Variants in BRAT1 observed in about 807,000 individuals in gnomAD.
The protein encoded by BRAT1 is integrator complex assembly factor BRAT1.
In BRAT1, 74 loss-of-function variants were observed where a neutral mutation model predicts 70.6. That is an observed-to-expected ratio of 1.05 (90% CI 0.87 to 1.27). BRAT1 has a LOEUF of 1.27. BRAT1 is among the 50% of genes most tolerant of loss of function. The probability of loss-of-function intolerance (pLI) is 0.00; values close to 1 mark genes in which losing one functional copy is unlikely to be tolerated. For synonymous variants in BRAT1, 615 were observed against 517.1 expected (o/e 1.19, Z -2.57); for missense variants, 1,203 against 1,098.2 (o/e 1.10, Z -1.35).
intron 2 of BRAT1, among the ~76,000 whole-genome samples, chr7:2,551,341 G>A (rs1393255188): frequency 6.6e-6 from 1 of 150,464 alleles, no homozygotes; most frequent in Admixed American, 6.6e-5. Context: ...TTAAATGGGA[G>A]AATGGCATGG....
intron 8 of BRAT1, 78 bp from the exon 9 acceptor site, chr7:2,541,562 AT>A (rs765140952): frequency 6.8e-6 from 10 of 1,476,894 alleles, no homozygotes; most frequent in Non-Finnish European, 9.0e-6. Context: ...ACTTCGAGGC[AT>A]GTGGGGCGGG....
intron 3 of BRAT1, among the ~76,000 whole-genome samples, chr7:2,545,695 G>A (rs924524656): frequency 4.6e-5 from 7 of 152,016 alleles, no homozygotes; most frequent in Non-Finnish European, 8.8e-5. Context: ...TTACCATGTT[G>A]GTTAGCCTGG....
intron 11 of BRAT1, 22 bp from the exon 12 acceptor site, chr7:2,539,664 C>T (rs777447384): frequency 5.7e-6 from 9 of 1,575,546 alleles, no homozygotes; most frequent in Non-Finnish European, 7.8e-6. Context: ...AGGGACAGGT[C>T]AGGGTGACCT....
chr7:2,538,964 A>G lies in BRAT1; in HGVS notation c.1771-200T>C, dbSNP rs903563688. 5 of 1,444,668 alleles carry G rather than the reference A, an allele frequency of 3.5e-6. No homozygotes were observed. In the East Asian group the frequency reaches 7.5e-5, roughly 22 times the overall value. 89.5% of individuals were successfully genotyped at this position (1,444,668 alleles called of 1,614,324 possible). A position where few individuals can be genotyped will look rare whatever the true frequency, so the allele number is the denominator to read the frequency against. On this transcript the variant is annotated intron_variant, in intron 13 of 13. Coordinates refer to ENST00000340611, the MANE Select transcript of BRAT1 (RefSeq NM_152743.4). Reference sequence around the variant, plus strand: ...ACCCATCTGTCAAATGGAGGTAACCATGTCTAAGTGGAGGGGTGCTGGGGA... The same window carrying G: ...ACCCATCTGTCAAATGGAGGTAACCGTGTCTAAGTGGAGGGGTGCTGGGGA...
intron 2 of BRAT1, 74 bp downstream of exon 2, chr7:2,554,231 T>A: frequency 3.2e-6 from 5 of 1,570,566 alleles, no homozygotes; most frequent in Non-Finnish European, 4.3e-6. Flanking sequence ...AGTCCCCATC[T>A]GGCCCCTGCT....
Position 2,538,000 on chromosome 7 carries a change from A to C in BRAT1, c.*69T>G. The C allele has an allele frequency of 6.8e-7, 1 of 1,461,296 alleles. No homozygotes were observed. Among genetic ancestry groups the C allele is most frequent in the Non-Finnish European group, 9.0e-7 (1 of 1,108,518 alleles). 90.5% of individuals were successfully genotyped at this position (1,461,296 alleles called of 1,614,324 possible). ...GCTGGGCTGGAGCCCTGGGGCTGGC[A>C]GTGTCCCACAGAAGGACATGGTGCT... On this transcript the variant is annotated 3_prime_UTR_variant, in exon 14 of 14. Transcript: ENST00000340611.
rs1005639219 is a variant in BRAT1 at position 2,555,492 on chromosome 7, G to C, written c.-22C>G. 6.6e-6 allele frequency: 1 copy of C among 152,126 alleles called. No individual in the cohort carries two copies. Among genetic ancestry groups the C allele is most frequent in the Non-Finnish European group, 1.5e-5 (1 of 68,066 alleles). The allele number at this position is 152,126 out of a possible 1,614,324, so 9.4% of individuals were successfully genotyped here. A position where few individuals can be genotyped will look rare whatever the true frequency, so the allele number is the denominator to read the frequency against. On this transcript the variant is annotated 5_prime_UTR_variant, in exon 1 of 14. Transcript: ENST00000340611. ...CGAAGGCCCACGCGCCTCACCGCTC[G>C]GTTGCGTCCTCCGCCGCAACCACCC...
intron 2 of BRAT1, among the ~76,000 whole-genome samples, chr7:2,551,246 A>G (rs2128410200): frequency 6.8e-6 from 1 of 146,806 alleles, no homozygotes; most frequent in South Asian, 2.1e-4. Flanking sequence ...GTCTCAAAAA[A>G]AAAAAAATCT....
At chr7:2,539,671 A>C in intron 11 of BRAT1, 29 bp from the exon 12 acceptor site, 1 of 1,568,574 alleles carries the variant, frequency 6.4e-7, no homozygotes, top group Non-Finnish European at 8.7e-7. Context: ...GGTCAGGGTG[A>C]CCTTGGGGCC....
chr7:2,544,491 C>T (rs1012735725), intron 4 of BRAT1, among the ~76,000 whole-genome samples: 9 of 152,118 alleles, frequency 5.9e-5, no homozygotes, highest in Non-Finnish European at 8.8e-5. Context: ...CGTGAGCCAC[C>T]GTGCCCAGCC....
At chr7:2,545,272 G>A (rs1298832709) in intron 3 of BRAT1, among the ~76,000 whole-genome samples, 2 of 147,592 alleles carry the variant, frequency 1.4e-5, no homozygotes, top group South Asian at 2.2e-4. Flanking sequence ...GCTGAGGCAG[G>A]AGAATTGCTT....
chr7:2,547,530 C>A (rs1779706566), intron 2 of BRAT1, 52 bp from the exon 3 acceptor site: 1 of 1,583,014 alleles, frequency 6.3e-7, no homozygotes, highest in East Asian at 2.3e-5. Flanking sequence ...ACCAGGTGTC[C>A]CCCTGGATGA....
At chr7:2,544,024 C>T (rs1779398872) in intron 4 of BRAT1, 62 bp from the exon 5 acceptor site, 5 of 1,041,372 alleles carry the variant, frequency 4.8e-6, no homozygotes, top group Non-Finnish European at 5.1e-6. Flanking sequence ...CTGGGGGAGG[C>T]AGAGGGCCTC....
At chr7:2,544,314 C>T (rs1779434696) in intron 4 of BRAT1, 1 of 191,434 alleles carries the variant, frequency 5.2e-6, no homozygotes, top group South Asian at 1.6e-4. Context: ...GCCATTCTGC[C>T]ACCTCAGCCT....
At chr7:2,551,530 GA>G (rs999720706) in intron 2 of BRAT1, among the ~76,000 whole-genome samples, 61 of 146,362 alleles carry the variant, frequency 4.2e-4, no homozygotes, top group African/African-American at 9.5e-4. Context: ...ATCTCTATGG[GA>G]AAAAAAAAAA....
In BRAT1 at chr7:2,538,081, G is replaced by A. The variant is rs557088612; in HGVS notation, c.2454C>T (p.Ala818=). The change falls in exon 14 of 14, where the codon GCC becomes GCT. Residue 818 remains alanine (A), a synonymous_variant. Coordinates refer to ENST00000340611, the MANE Select transcript of BRAT1 (RefSeq NM_152743.4). ...ATGGFLQGDE[A]DCY is the part of the protein sequence containing the mutation. ...ACTCTGGTTCTGCTCAGTAGCAGTC[G>A]GCCTCGTCCCCCTGCAGGAAGCCTC... 144 of 1,567,998 alleles carry A rather than the reference G, an allele frequency of 9.2e-5. 2 individuals carry two copies. In the South Asian group the frequency reaches 1.5e-3, roughly 16 times the overall value.
intron 6 of BRAT1, chr7:2,542,690 C>G (rs748351285): frequency 5.4e-6 from 1 of 183,528 alleles, no homozygotes; most frequent in South Asian, 1.1e-4. Flanking sequence ...AGAGCTGGAC[C>G]CTCATGGTAC....
In BRAT1 at chr7:2,539,260, C is replaced by T. The variant is rs146276208; in HGVS notation, c.1689G>A (p.Ala563=). ...LLQDPESYVR[A]SAVTAMGQLS... is the part of the protein sequence containing the mutation. ...GCTGCCCCATGGCGGTCACTGCACTCGCTCGGACATAACTCTCAGGGTCCT... is the reference window on the plus strand; with the variant it reads ...GCTGCCCCATGGCGGTCACTGCACTTGCTCGGACATAACTCTCAGGGTCCT... The change falls in exon 13 of 14, where the codon GCG becomes GCA. Residue 563 remains alanine (A), a synonymous_variant. Coordinates refer to ENST00000340611, the MANE Select transcript of BRAT1 (RefSeq NM_152743.4). 5.7e-4 allele frequency: 912 copies of T among 1,611,760 alleles called. 5 individuals carry two copies. The African/African-American group carries it at 0.011, about 19-fold the overall frequency.
chr7:2,539,088 C>G, intron 13 of BRAT1, 91 bp downstream of exon 13: 1 of 1,503,748 alleles, frequency 6.7e-7, no homozygotes, highest in African/African-American at 1.4e-5. Flanking sequence ...TGCTCCCACG[C>G]TGCATGCTGG....
Sources: allele counts gnomAD v4.1 joint callset (sites outside exome capture counted in the v4.1 genomes callset), GRCh38; gene constraint gnomAD v4.1.1; transcripts MANE v1.5; gene names NCBI Gene and HGNC (gene_info 2026-07-23, HGNC 2026-07-21).